RTN1: variants seen among roughly 807,000 people sequenced by gnomAD.
RTN1 encodes reticulon 1.
A neutral mutation model predicts 65.5 loss-of-function variants in RTN1; 25 were observed. The observed-to-expected ratio is 0.38, with a 90% confidence interval of 0.28 to 0.53. The LOEUF is 0.53. Ranked by LOEUF, RTN1 falls within the 20% of genes least tolerant of loss-of-function variation. The pLI, the probability that RTN1 is intolerant of heterozygous loss-of-function variation, is 0.79. For missense variants in RTN1, 983 were observed against 1,025.4 expected (o/e 0.96, Z 0.57); for synonymous variants, 471 against 447.6 (o/e 1.05, Z -0.66).
chr14:59,702,695 A>G lies in RTN1; in HGVS notation c.1765+24224T>C, dbSNP rs111910321. ...CACCATCTCCCACTCGGGTTCCTGA[A>G]GAGCCTCTGATGGGTCTTCTTACTT... On this transcript the variant is annotated intron_variant, in intron 3 of 8. Coordinates refer to ENST00000267484, the MANE Select transcript of RTN1 (RefSeq NM_021136.3). Among the ~76,000 whole-genome samples, 851 of 152,282 alleles carry G rather than the reference A, an allele frequency of 5.6e-3. 7 individuals carry two copies. Among genetic ancestry groups the G allele is most frequent in the African/African-American group, 0.017 (726 of 41,558 alleles).
intron 1 of RTN1, among the ~76,000 whole-genome samples, chr14:59,851,413 T>TA (rs1224128328): frequency 6.6e-6 from 1 of 152,202 alleles, no homozygotes; most frequent in Non-Finnish European, 1.5e-5. Context: ...CAGAGCAGAT[T>TA]ACTATACTTA....
intron 2 of RTN1, among the ~76,000 whole-genome samples, chr14:59,738,145 G>T (rs577875963): frequency 6.6e-5 from 10 of 152,228 alleles, no homozygotes; most frequent in African/African-American, 2.4e-4. Context: ...TGCAACAAAA[G>T]CTCAAACTGA....
chr14:59,827,887 C>A (rs1231333964), intron 1 of RTN1, among the ~76,000 whole-genome samples: 1 of 152,210 alleles, frequency 6.6e-6, no homozygotes, highest in Non-Finnish European at 1.5e-5. Flanking sequence ...AAAATATACT[C>A]CCAGAAGCTG....
chr14:59,726,263 T>C (rs1039192519), intron 3 of RTN1, among the ~76,000 whole-genome samples: 23 of 152,242 alleles, frequency 1.5e-4, no homozygotes, highest in Middle Eastern at 3.2e-3. Context: ...GAGAACATAA[T>C]GACCACATTA....
At chr14:59,852,593 G>A (rs1887528914) in intron 1 of RTN1, among the ~76,000 whole-genome samples, 1 of 152,142 alleles carries the variant, frequency 6.6e-6, no homozygotes, top group Admixed American at 6.5e-5. Flanking sequence ...TCACTTATCT[G>A]GGCAATGAAG....
At chr14:59,642,842 T>C (rs1882809024) in intron 3 of RTN1, among the ~76,000 whole-genome samples, 2 of 152,244 alleles carry the variant, frequency 1.3e-5, no homozygotes, top group South Asian at 2.1e-4. Flanking sequence ...TTGCCTGTTA[T>C]ATGTCTAATA....
chr14:59,644,498 C>A (rs1176048540), intron 3 of RTN1, among the ~76,000 whole-genome samples: 1 of 152,162 alleles, frequency 6.6e-6, no homozygotes, highest in Non-Finnish European at 1.5e-5. Flanking sequence ...GCTGCTCAGG[C>A]ACACGTGGAG....
chr14:59,606,122 A>ATC (rs1566658094), intron 4 of RTN1: 5 of 98,982 alleles, frequency 5.1e-5, no homozygotes, highest in Non-Finnish European at 8.1e-5. Context: ...ATATATATAT[A>ATC]TATATCATAC....
intron 1 of RTN1, among the ~76,000 whole-genome samples, chr14:59,837,056 T>A (rs1309907902): frequency 7.1e-6 from 1 of 141,802 alleles, no homozygotes; most frequent in Non-Finnish European, 1.5e-5. Flanking sequence ...AAAGGAGAAA[T>A]AGGACTACCT....
intron 3 of RTN1, among the ~76,000 whole-genome samples, chr14:59,726,562 C>T (rs1442984834): frequency 6.6e-6 from 1 of 152,094 alleles, no homozygotes; most frequent in African/African-American, 2.4e-5. Context: ...AGAGCCTGGA[C>T]AATAACAAGA....
chr14:59,760,857 A>C (rs1260307265), intron 1 of RTN1, among the ~76,000 whole-genome samples: 1 of 152,194 alleles, frequency 6.6e-6, no homozygotes, highest in East Asian at 1.9e-4. Flanking sequence ...GCTAGTTCCA[A>C]CCAGAGAATA....
At chr14:59,757,785 T>G (rs1885669164) in intron 1 of RTN1, among the ~76,000 whole-genome samples, 2 of 152,170 alleles carry the variant, frequency 1.3e-5, no homozygotes. Context: ...AGATAAATGT[T>G]TGCTGCTTAT....
intron 3 of RTN1, among the ~76,000 whole-genome samples, chr14:59,656,282 A>G (rs1326986167): frequency 6.6e-6 from 1 of 152,194 alleles, no homozygotes; most frequent in East Asian, 1.9e-4. Flanking sequence ...ATGTTTTGAA[A>G]TCACATAACT....
At position 59,596,067 on chromosome 14, in the gene RTN1, C is replaced by A. The variant is rs1203368997; in HGVS notation, c.*678G>T. ...AGTCCGTAATTGAATCCATTAGGAACTACAGAGAAAGTAATACAAATTGTA... is the reference window on the plus strand; with the variant it reads ...AGTCCGTAATTGAATCCATTAGGAAATACAGAGAAAGTAATACAAATTGTA... On this transcript the variant is annotated 3_prime_UTR_variant, in exon 9 of 9. Transcript: ENST00000267484. The A allele has an allele frequency of 6.6e-6, 1 of 152,578 alleles. No individual in the cohort carries two copies. Among genetic ancestry groups the A allele is most frequent in the East Asian group, 1.9e-4 (1 of 5,200 alleles). The allele number at this position is 152,578 out of a possible 1,614,324, so 9.5% of individuals were successfully genotyped here.
rs185411831 is a variant in RTN1, at chr14:59,715,252, C to G, written c.1765+11667G>C. Among the ~76,000 whole-genome samples the G allele has an allele frequency of 6.5e-3, 989 of 152,308 alleles. 7 individuals carry two copies. The highest frequency in any genetic ancestry group is 0.023 in the African/African-American group (940 of 41,562). On this transcript the variant is annotated intron_variant, in intron 3 of 8. Coordinates refer to ENST00000267484, the MANE Select transcript of RTN1 (RefSeq NM_021136.3). ...GACAGAGGAACAGTAAGGCTGGAAC[C>G]TCAAAAGTGTCTCTTTCTCAGAGAA... is the stretch of plus-strand genomic sequence containing the variant.
Position 59,846,131 on chromosome 14 carries a change from T to C in RTN1, c.241+24259A>G, listed in dbSNP as rs1182658666. 6.6e-6 allele frequency among the ~76,000 whole-genome samples: 1 copy of C among 152,140 alleles called. No individual in the cohort carries two copies. Among genetic ancestry groups the C allele is most frequent in the South Asian group, 2.1e-4 (1 of 4,826 alleles). The stretch of plus-strand genomic sequence containing the variant: ...TATAGGATGTCAACCAGGTAGGAAT[T>C]GAAGACAAGGTCAACAATGTTACAG... On this transcript the variant is annotated intron_variant, in intron 1 of 8. Coordinates refer to ENST00000267484, the MANE Select transcript of RTN1 (RefSeq NM_021136.3). The surrounding 1 kb of genome is among the most constrained non-coding windows in gnomAD (Gnocchi z 4.8).
At chr14:59,734,998 ACATCTATAAAGGGAAGCC>A (rs1555357956) in intron 2 of RTN1, among the ~76,000 whole-genome samples, 1 of 152,114 alleles carries the variant, frequency 6.6e-6, no homozygotes, top group Non-Finnish European at 1.5e-5. Context: ...AAAGACCAGG[ACATCTATAAAGGGAAGCC>A]CATCAGACTA....
At chr14:59,842,317 A>G (rs921464693) in intron 1 of RTN1, among the ~76,000 whole-genome samples, 3 of 152,186 alleles carry the variant, frequency 2.0e-5, no homozygotes, top group Non-Finnish European at 4.4e-5. Context: ...TAATGGAATA[A>G]ATAGAAAAAT....
intron 1 of RTN1, among the ~76,000 whole-genome samples, chr14:59,751,186 T>G (rs752928869): frequency 3.2e-4 from 46 of 145,598 alleles, no homozygotes; most frequent in Non-Finnish European, 4.3e-4. Context: ...GGCTTCTCAT[T>G]ATACCTTTTT....
Sources: gnomAD v4.1 joint callset for allele counts (sites outside exome capture counted in the v4.1 genomes callset) on GRCh38, gnomAD v4.1.1 for gene constraint, Gnocchi (gnomAD v3.1) non-coding constraint, MANE v1.5 for transcripts, NCBI Gene and HGNC (gene_info 2026-07-23, HGNC 2026-07-21) for gene names.